Variants in ZDHHC14 observed in about 807,000 individuals in gnomAD.
ZDHHC14 encodes palmitoyltransferase ZDHHC14.
A neutral mutation model predicts 47.7 loss-of-function variants in ZDHHC14; 16 were observed. That is an observed-to-expected ratio of 0.34 (90% CI 0.23 to 0.51). ZDHHC14 has a LOEUF of 0.51. Among genes scored for constraint, ZDHHC14 ranks in the 20% least tolerant of loss-of-function variants. The pLI is 0.97. For missense variants in ZDHHC14, 515 were observed against 662.5 expected (o/e 0.78, Z 2.44); for synonymous variants, 293 against 278.9 (o/e 1.05, Z -0.50).
chr6:157,435,420 T>C (rs1778419130), intron 1 of ZDHHC14, among the ~76,000 whole-genome samples: 1 of 152,242 alleles, frequency 6.6e-6, no homozygotes, highest in Non-Finnish European at 1.5e-5. Flanking sequence ...GGGATGAACC[T>C]TGAGGAAAGG....
chr6:157,591,987 C>A (rs1783927804), intron 2 of ZDHHC14, among the ~76,000 whole-genome samples: 1 of 152,152 alleles, frequency 6.6e-6, no homozygotes, highest in Admixed American at 6.5e-5. Flanking sequence ...CCCTGCCCTC[C>A]TGTTCTTGAC....
At position 157,427,898 on chromosome 6, in the gene ZDHHC14, T is replaced by C. The variant is rs1003105829; in HGVS notation, c.245+45632T>C. On this transcript the variant is annotated intron_variant, in intron 1 of 8. Transcript: ENST00000359775. This position sits in a 1 kb window ranked among gnomAD's most constrained non-coding sequence, Gnocchi z 4.4. ...TCTCAGTAACAGCATAAAGGATGAA[T>C]CTAATAAATCACAATAAAACTTTTA... 6.6e-6 allele frequency among the ~76,000 whole-genome samples: 1 copy of C among 152,052 alleles called. No homozygotes were observed. The highest frequency in any genetic ancestry group is 1.5e-5 in the Non-Finnish European group (1 of 68,022).
At chr6:157,516,304 C>G (rs1245142908) in intron 1 of ZDHHC14, among the ~76,000 whole-genome samples, 1 of 152,152 alleles carries the variant, frequency 6.6e-6, no homozygotes, top group Non-Finnish European at 1.5e-5. Flanking sequence ...CTGTGAACAT[C>G]CGTATATAGC....
chr6:157,485,309 C>T (rs1779750983), intron 1 of ZDHHC14, among the ~76,000 whole-genome samples: 1 of 152,138 alleles, frequency 6.6e-6, no homozygotes, highest in Admixed American at 6.5e-5. Flanking sequence ...ATCCTCTGCA[C>T]ACACCCGGGA....
intron 1 of ZDHHC14, among the ~76,000 whole-genome samples, chr6:157,466,651 A>G (rs1779225494): frequency 1.3e-5 from 2 of 152,122 alleles, no homozygotes; most frequent in African/African-American, 4.8e-5. Context: ...TAGCCTGGCC[A>G]GCATGGTGAA....
intron 2 of ZDHHC14, among the ~76,000 whole-genome samples, chr6:157,544,050 C>T (rs1781869544): frequency 6.6e-6 from 1 of 152,188 alleles, no homozygotes; most frequent in African/African-American, 2.4e-5. Context: ...CCAAGAGGGG[C>T]TTAAATGGGT....
intron 2 of ZDHHC14, among the ~76,000 whole-genome samples, chr6:157,570,482 G>A (rs534826611): frequency 2.0e-5 from 3 of 152,262 alleles, no homozygotes; most frequent in East Asian, 1.9e-4. Flanking sequence ...GCAGCACAGC[G>A]GTTTTGTGTA....
chr6:157,467,472 G>A (rs1265913873), intron 1 of ZDHHC14, among the ~76,000 whole-genome samples: 2 of 151,688 alleles, frequency 1.3e-5, no homozygotes, highest in Admixed American at 1.3e-4. Flanking sequence ...AGTGTGTTCA[G>A]GGTTTATCCA....
Position 157,673,077 on chromosome 6 carries a change from G to A in ZDHHC14, c.1422G>A (p.Leu474=). The part of the protein sequence containing the change: ...HVLGLASQDS[L]HEDSVRGLVK... ...TGGGCCTGGCCAGCCAGGACTCCCT[G>A]CATGAGGACTCTGTGCGCGGCCTGG... is the stretch of plus-strand genomic sequence containing the variant. The change falls in exon 9 of 9, where the codon CTG becomes CTA. Residue 474 remains leucine (L), a synonymous_variant. Transcript: ENST00000359775. The surrounding 1 kb of genome is among the most constrained non-coding windows in gnomAD (Gnocchi z 5.4). The A allele has an allele frequency of 6.4e-7, 1 of 1,573,322 alleles. No homozygotes were observed. Among genetic ancestry groups the A allele is most frequent in the East Asian group, 2.3e-5 (1 of 43,532 alleles).
At chr6:157,478,891 A>G (rs1052044956) in intron 1 of ZDHHC14, among the ~76,000 whole-genome samples, 13 of 152,242 alleles carry the variant, frequency 8.5e-5, no homozygotes, top group Non-Finnish European at 1.3e-4. Flanking sequence ...AACAGTGAAG[A>G]GAGTGTGTAT....
chr6:157,387,904 A>G (rs1777349228), intron 1 of ZDHHC14, among the ~76,000 whole-genome samples: 1 of 152,104 alleles, frequency 6.6e-6, no homozygotes. Context: ...AAACCTCTGT[A>G]CATTAATAAA....
At chr6:157,598,145 G>A (rs140587736) in intron 3 of ZDHHC14, among the ~76,000 whole-genome samples, 1 of 152,274 alleles carries the variant, frequency 6.6e-6, no homozygotes, top group East Asian at 1.9e-4. Flanking sequence ...TCTGCTGTGC[G>A]CTGCCCTCAG....
chr6:157,386,822 T>C (rs1266648721), intron 1 of ZDHHC14, among the ~76,000 whole-genome samples: 1 of 151,996 alleles, frequency 6.6e-6, no homozygotes, highest in Admixed American at 6.5e-5. Flanking sequence ...CATTAACAAT[T>C]TCTTCTTCTC....
chr6:157,560,852 G>A (rs1200756027), intron 2 of ZDHHC14, among the ~76,000 whole-genome samples: 2 of 152,138 alleles, frequency 1.3e-5, no homozygotes, highest in South Asian at 2.1e-4. Context: ...TATGAGGAAC[G>A]GATGCATTAA....
chr6:157,653,371 A>G (rs920850317), intron 7 of ZDHHC14, among the ~76,000 whole-genome samples, 154 bp from the exon 8 acceptor site: 2 of 152,154 alleles, frequency 1.3e-5, no homozygotes, highest in East Asian at 3.9e-4. Context: ...TTGGTCACTG[A>G]TTATACACGA....
chr6:157,482,575 C>T (rs2114717295), intron 1 of ZDHHC14, among the ~76,000 whole-genome samples: 1 of 151,792 alleles, frequency 6.6e-6, no homozygotes, highest in East Asian at 2.0e-4. Context: ...ATTTCATTTG[C>T]TATTTCTCCC....
At chr6:157,620,660 G>A (rs1372127858) in intron 3 of ZDHHC14, among the ~76,000 whole-genome samples, 1 of 152,244 alleles carries the variant, frequency 6.6e-6, no homozygotes, top group Non-Finnish European at 1.5e-5. Flanking sequence ...TGGACACAAA[G>A]GCCAGGCCTG....
rs774961899 is a variant in ZDHHC14, at chr6:157,628,345, T to C, written c.566-4T>C. On this transcript the variant is annotated splice_region_variant and splice_polypyrimidine_tract_variant and intron_variant, in intron 3 of 8. Coordinates refer to ENST00000359775, the MANE Select transcript of ZDHHC14 (RefSeq NM_024630.3). ...TTTTTTTTTTTTTCTGCCTCTCATTTCAGAACGGTTTGATCACCACTGTCC... is the reference window on the plus strand; with the variant it reads ...TTTTTTTTTTTTTCTGCCTCTCATTCCAGAACGGTTTGATCACCACTGTCC... 6.3e-7 allele frequency: 1 copy of C among 1,586,044 alleles called. No homozygotes were observed. Among genetic ancestry groups the C allele is most frequent in the Non-Finnish European group, 8.5e-7 (1 of 1,173,626 alleles).
intron 3 of ZDHHC14, among the ~76,000 whole-genome samples, chr6:157,595,729 T>A (rs1784102394): frequency 6.6e-6 from 1 of 152,018 alleles, no homozygotes; most frequent in African/African-American, 2.4e-5. Context: ...CATGTGTGAG[T>A]GTTTCCAGTA....
Sources: gnomAD v4.1 joint callset for allele counts (sites outside exome capture counted in the v4.1 genomes callset) on GRCh38, gnomAD v4.1.1 for gene constraint, Gnocchi (gnomAD v3.1) non-coding constraint, MANE v1.5 for transcripts, NCBI Gene and HGNC (gene_info 2026-07-23, HGNC 2026-07-21) for gene names.